Variants in PPFIA1 observed in about 807,000 individuals in gnomAD.
PPFIA1 encodes the protein liprin-alpha-1.
A neutral mutation model predicts 149.9 loss-of-function variants in PPFIA1; 25 were observed. The observed-to-expected ratio is 0.17, with a 90% CI of 0.12 to 0.23. The LOEUF (loss-of-function observed/expected upper bound fraction) is 0.23, where lower values mean the gene tolerates loss of function less well. PPFIA1 is among the 10% of genes least tolerant of loss of function. The pLI, the probability that PPFIA1 is intolerant of heterozygous loss-of-function variation, is 1.00. For missense variants in PPFIA1, 1,362 were observed against 1,506.5 expected, an observed-to-expected ratio of 0.90 and a Z score of 1.59; for synonymous variants, 549 against 552.8, an observed-to-expected ratio of 0.99 and a Z score of 0.10.
At chr11:70,350,986 T>C in intron 16 of PPFIA1, 1 of 1,255,958 alleles carries the variant, frequency 8.0e-7, no homozygotes, top group Non-Finnish European at 1.0e-6. Context: ...TTTGCATGCA[T>C]CTATCAGCCT....
intron 16 of PPFIA1, 93 bp downstream of exon 16, chr11:70,348,513 C>T: frequency 9.7e-7 from 1 of 1,034,488 alleles, no homozygotes. Flanking sequence ...AAATCAAGTA[C>T]ATTCGTTATT....
intron 16 of PPFIA1, among the ~76,000 whole-genome samples, chr11:70,353,997 A>G (rs1220911423): frequency 6.6e-6 from 1 of 152,176 alleles, no homozygotes; most frequent in African/African-American, 2.4e-5. Flanking sequence ...GACTGTCCTC[A>G]TGATGTGCCT....
At chr11:70,374,838 C>G in intron 23 of PPFIA1, 80 bp from the exon 24 acceptor site, 1 of 1,318,942 alleles carries the variant, frequency 7.6e-7, no homozygotes, top group Non-Finnish European at 1.1e-6. Flanking sequence ...TGGTAGGAAT[C>G]TTTCTCCTGC....
At position 70,376,010 on chromosome 11, in the gene PPFIA1, TG is replaced by T. The variant is rs368926598; in HGVS notation, c.3316-520del. Among the ~76,000 whole-genome samples, 910 of 151,540 alleles carry T rather than the reference TG, an allele frequency of 6.0e-3. 6 individuals carry two copies. Among genetic ancestry groups the T allele is most frequent in the Non-Finnish European group, 9.4e-3 (635 of 67,840 alleles). ...AGTTGTTTTTTTGTTTGTTTTGAGATGGAGTTTCGCTCTTGTTGCCCAGGCT... is the reference window on the plus strand; with the variant it reads ...AGTTGTTTTTTTGTTTGTTTTGAGATGAGTTTCGCTCTTGTTGCCCAGGCT... On this transcript the variant is annotated intron_variant, in intron 24 of 27. Transcript: ENST00000253925.
At chr11:70,347,490 T>G (rs1295969970) in intron 15 of PPFIA1, among the ~76,000 whole-genome samples, 1 of 152,068 alleles carries the variant, frequency 6.6e-6, no homozygotes, top group Non-Finnish European at 1.5e-5. Context: ...TGTCTTGAAG[T>G]CAGGAGTTTG....
intron 2 of PPFIA1, among the ~76,000 whole-genome samples, chr11:70,314,348 C>T (rs1011266112): frequency 1.3e-5 from 2 of 152,078 alleles, no homozygotes; most frequent in Non-Finnish European, 2.9e-5. Flanking sequence ...AACTGAAGAC[C>T]GAGACAACCC....
intron 14 of PPFIA1, among the ~76,000 whole-genome samples, chr11:70,339,830 C>T (rs1224334481): frequency 6.6e-6 from 1 of 152,096 alleles, no homozygotes; most frequent in African/African-American, 2.4e-5. Flanking sequence ...GCCTGGTCAA[C>T]ATGGTGAAAC....
intron 2 of PPFIA1, among the ~76,000 whole-genome samples, chr11:70,298,729 T>G (rs964696891): frequency 1.3e-5 from 2 of 152,180 alleles, no homozygotes; most frequent in African/African-American, 4.8e-5. Flanking sequence ...CTTAGAGTGC[T>G]GGTTCTCCTG....
At chr11:70,278,061 C>G (rs1015247677) in intron 2 of PPFIA1, among the ~76,000 whole-genome samples, 1 of 152,050 alleles carries the variant, frequency 6.6e-6, no homozygotes, top group African/African-American at 2.4e-5. Context: ...CAAGCACGTG[C>G]CACCACGCCC....
intron 21 of PPFIA1, among the ~76,000 whole-genome samples, chr11:70,366,424 T>G (rs757311773): frequency 5.9e-5 from 9 of 152,250 alleles, no homozygotes; most frequent in Non-Finnish European, 1.2e-4. Context: ...CCTAATACTA[T>G]GTCCACTTAA....
intron 21 of PPFIA1, among the ~76,000 whole-genome samples, chr11:70,366,631 A>G (rs995368609): frequency 6.6e-6 from 1 of 152,242 alleles, no homozygotes; most frequent in African/African-American, 2.4e-5. Flanking sequence ...TCTCAGTGGC[A>G]CATTGCAGCC....
chr11:70,321,144 T>C (rs2053915283), intron 2 of PPFIA1: 2 of 152,204 alleles, frequency 1.3e-5, no homozygotes, highest in Admixed American at 1.3e-4. Flanking sequence ...AATGGAATAA[T>C]GTGCTTAGAA....
chr11:70,271,347 AG>A (rs1359172167), intron 1 of PPFIA1: 9 of 152,338 alleles, frequency 5.9e-5, no homozygotes, highest in African/African-American at 2.2e-4. Flanking sequence ...TCCCCCTCTC[AG>A]GGGTCCACCG....
chr11:70,380,106 A>G (rs1473495405), intron 26 of PPFIA1, among the ~76,000 whole-genome samples: 1 of 152,172 alleles, frequency 6.6e-6, no homozygotes, highest in Non-Finnish European at 1.5e-5. Context: ...GAGAGTTTGG[A>G]TGGATGAAAA....
chr11:70,317,456 C>T (rs1012213046), intron 2 of PPFIA1, among the ~76,000 whole-genome samples: 6 of 152,110 alleles, frequency 3.9e-5, no homozygotes, highest in Middle Eastern at 3.2e-3. Context: ...TCTATGAATT[C>T]GTTTTCTACT....
intron 14 of PPFIA1, among the ~76,000 whole-genome samples, chr11:70,341,301 G>T (rs1490967881): frequency 6.6e-6 from 1 of 150,826 alleles, no homozygotes; most frequent in Non-Finnish European, 1.5e-5. Flanking sequence ...CTGAGCAGGG[G>T]CGTGAAGGAG....
At chr11:70,356,113 GC>G (rs774383118) in intron 18 of PPFIA1, 47 bp from the exon 19 acceptor site, 17 of 1,408,664 alleles carry the variant, frequency 1.2e-5, no homozygotes, top group Non-Finnish European at 1.7e-5. Flanking sequence ...AAAACATAGA[GC>G]TTTGTCATGC....
At chr11:70,306,730 A>T (rs940158246) in intron 2 of PPFIA1, among the ~76,000 whole-genome samples, 1 of 152,234 alleles carries the variant, frequency 6.6e-6, no homozygotes, top group African/African-American at 2.4e-5. Context: ...ATGTGTTAGG[A>T]TAGGTAAAAG....
intron 2 of PPFIA1, among the ~76,000 whole-genome samples, chr11:70,295,926 G>C (rs1195831226): frequency 6.6e-6 from 1 of 151,662 alleles, no homozygotes; most frequent in Non-Finnish European, 1.5e-5. Flanking sequence ...CTTCTCAGAC[G>C]GGGCGGTTGC....
Sources: allele counts gnomAD v4.1 joint callset (sites outside exome capture counted in the v4.1 genomes callset), GRCh38; gene constraint gnomAD v4.1.1; transcripts MANE v1.5; gene names NCBI Gene and HGNC (gene_info 2026-07-23, HGNC 2026-07-21).